GRIK1: variants seen among roughly 807,000 people sequenced by gnomAD.
The protein encoded by GRIK1 is glutamate ionotropic receptor kainate type subunit 1, also known as glutamate receptor ionotropic, kainate 1.
In GRIK1, 69 loss-of-function variants were observed where a neutral mutation model predicts 105.7. The ratio of observed to expected loss-of-function variants is 0.65; its 90% CI spans 0.54 to 0.80. The LOEUF is 0.80. Among genes scored for constraint, GRIK1 ranks in the 30% least tolerant of loss-of-function variants. The probability of loss-of-function intolerance (pLI) is 0.00; values close to 1 mark genes in which losing one functional copy is unlikely to be tolerated. For synonymous variants in GRIK1, 438 were observed against 431.3 expected, an observed-to-expected ratio of 1.02 and a Z score of -0.19; for missense variants, 1,109 against 1,167.3, an observed-to-expected ratio of 0.95 and a Z score of 0.73.
At chr21:29,802,752 A>T (rs2066747694) in intron 1 of GRIK1, among the ~76,000 whole-genome samples, 1 of 152,084 alleles carries the variant, frequency 6.6e-6, no homozygotes, top group Non-Finnish European at 1.5e-5. Context: ...TCCATTTTGA[A>T]CCCTCTGTCT....
intron 14 of GRIK1, among the ~76,000 whole-genome samples, chr21:29,563,180 G>T (rs965037989): frequency 6.6e-6 from 1 of 152,140 alleles, no homozygotes; most frequent in Non-Finnish European, 1.5e-5. Flanking sequence ...CACCATCTCC[G>T]TAGTTCAGGA....
chr21:29,781,666 T>TC (rs1163721974), intron 1 of GRIK1, among the ~76,000 whole-genome samples: 8 of 120,834 alleles, frequency 6.6e-5, no homozygotes, highest in East Asian at 2.4e-4. Context: ...TCTTTTTTTT[T>TC]TTTTTTTTTT....
chr21:29,760,541 A>C (rs1160608611), intron 1 of GRIK1: 1 of 152,238 alleles, frequency 6.6e-6, no homozygotes, highest in Non-Finnish European at 1.5e-5. Context: ...CCATTTCACC[A>C]TTAATGGTGG....
intron 4 of GRIK1, among the ~76,000 whole-genome samples, chr21:29,658,162 A>C (rs187574278): frequency 2.4e-4 from 36 of 152,316 alleles, no homozygotes; most frequent in Admixed American, 1.6e-3. Context: ...CACACACACT[A>C]AAATGTAATA....
chr21:29,580,596 G>A (rs368398588), intron 13 of GRIK1, among the ~76,000 whole-genome samples: 25 of 152,198 alleles, frequency 1.6e-4, no homozygotes, highest in African/African-American at 5.8e-4. Flanking sequence ...CATGTTTAAT[G>A]TATATCCCAG....
chr21:29,809,298 A>G (rs755751517), intron 1 of GRIK1, among the ~76,000 whole-genome samples: 5 of 152,116 alleles, frequency 3.3e-5, no homozygotes, highest in Non-Finnish European at 5.9e-5. Flanking sequence ...AGTCATGCAA[A>G]TTTTTCGGTT....
intron 1 of GRIK1, among the ~76,000 whole-genome samples, chr21:29,735,410 G>C (rs940621400): frequency 2.0e-5 from 3 of 152,172 alleles, no homozygotes; most frequent in Non-Finnish European, 4.4e-5. Context: ...CACAATATGA[G>C]CTGGTGACAG....
intron 1 of GRIK1, among the ~76,000 whole-genome samples, chr21:29,729,925 T>C (rs1198182984): frequency 6.6e-6 from 1 of 152,178 alleles, no homozygotes; most frequent in East Asian, 1.9e-4. Flanking sequence ...GATGGTTTAA[T>C]ACCGATTTTC....
chr21:29,861,090 G>C (rs2068621281), intron 1 of GRIK1, among the ~76,000 whole-genome samples: 1 of 148,690 alleles, frequency 6.7e-6, no homozygotes, highest in Non-Finnish European at 1.5e-5. Flanking sequence ...GAAATTTTTT[G>C]CAAAGACAAT....
At chr21:29,798,130 G>T (rs2066607564) in intron 1 of GRIK1, among the ~76,000 whole-genome samples, 1 of 152,262 alleles carries the variant, frequency 6.6e-6, no homozygotes, top group East Asian at 1.9e-4. Context: ...ATTTATTAAA[G>T]ATCCTTTCTA....
Position 29,693,901 on chromosome 21 carries a change from C to G in GRIK1, c.281G>C (p.Arg94Pro). The change falls in exon 2 of 18, where the codon CGG (arginine) becomes CCG (proline). Residue 94 changes from arginine (R) to proline (P), a missense_variant. Transcript: ENST00000327783. ...INLFDSFEASRRACDQLALGV... is the reference protein window; with the variant it reads ...INLFDSFEASPRACDQLALGV... Reference sequence around the variant, plus strand: ...AAAAGTGGGAAAATAGTTACCTCTCCGCGAGGCTTCAAAACTATCAAAAAG... The same window carrying G: ...AAAAGTGGGAAAATAGTTACCTCTCGGCGAGGCTTCAAAACTATCAAAAAG... 1.2e-6 allele frequency: 2 copies of G among 1,610,900 alleles called. No individual in the cohort carries two copies. The highest frequency in any genetic ancestry group is 1.7e-6 in the Non-Finnish European group (2 of 1,177,540).
intron 1 of GRIK1, among the ~76,000 whole-genome samples, chr21:29,839,768 G>A (rs2067924193): frequency 6.6e-6 from 1 of 152,082 alleles, no homozygotes; most frequent in African/African-American, 2.4e-5. Context: ...TATGAGAAAG[G>A]CAACAAAGAT....
intron 1 of GRIK1, among the ~76,000 whole-genome samples, chr21:29,811,756 T>C (rs2067014887): frequency 6.6e-6 from 1 of 152,136 alleles, no homozygotes; most frequent in South Asian, 2.1e-4. Flanking sequence ...AGCTTTAACC[T>C]GCCTGCTTAT....
chr21:29,570,858 A>T (rs1451921877), intron 14 of GRIK1, among the ~76,000 whole-genome samples: 74 of 124,170 alleles, frequency 6.0e-4, no homozygotes, highest in Admixed American at 1.5e-3. Flanking sequence ...TTTTTTTTTG[A>T]TGGACAAAGT....
intron 1 of GRIK1, among the ~76,000 whole-genome samples, chr21:29,791,038 T>A (rs946088264): frequency 6.6e-6 from 1 of 152,144 alleles, no homozygotes; most frequent in Non-Finnish European, 1.5e-5. Flanking sequence ...GAGAAGTGGT[T>A]GGAACAGTTA....
intron 1 of GRIK1, among the ~76,000 whole-genome samples, chr21:29,697,902 TTTTC>T (rs998596091): frequency 3.6e-4 from 53 of 147,058 alleles, no homozygotes; most frequent in African/African-American, 1.0e-3. Context: ...TTCCTTTCTC[TTTTC>T]TTTCTTTCTT....
intron 1 of GRIK1, among the ~76,000 whole-genome samples, chr21:29,858,351 T>C (rs895505094): frequency 2.0e-5 from 3 of 152,198 alleles, no homozygotes; most frequent in African/African-American, 7.2e-5. Flanking sequence ...GTGCATGTTG[T>C]CCTTCTGCCT....
intron 1 of GRIK1, among the ~76,000 whole-genome samples, chr21:29,883,928 A>G (rs2069516313): frequency 6.6e-6 from 1 of 151,990 alleles, no homozygotes; most frequent in African/African-American, 2.4e-5. Flanking sequence ...AGGCTTCAAC[A>G]GGTTTCCTTC....
In GRIK1 at chr21:29,755,012, C is replaced by T. The variant is rs577522111; in HGVS notation, c.119-60949G>A. 4.6e-5 allele frequency among the ~76,000 whole-genome samples: 7 copies of T among 152,262 alleles called. No homozygotes were observed. The East Asian group carries it at 9.6e-4, about 21-fold the overall frequency. ...ATCTATCTATCTTGGTTATATGTTTCTTTCATGGAATGCTGACTAATACAA... is the reference window on the plus strand; with the variant it reads ...ATCTATCTATCTTGGTTATATGTTTTTTTCATGGAATGCTGACTAATACAA... On this transcript the variant is annotated intron_variant, in intron 1 of 17. Coordinates refer to ENST00000327783, the MANE Select transcript of GRIK1 (RefSeq NM_001330994.2).
Sources: gnomAD v4.1 joint callset for allele counts (sites outside exome capture counted in the v4.1 genomes callset) on GRCh38, gnomAD v4.1.1 for gene constraint, MANE v1.5 for transcripts, NCBI Gene and HGNC (gene_info 2026-07-23, HGNC 2026-07-21) for gene names.